Variants in TENM4 observed in about 807,000 individuals in gnomAD.
TENM4 encodes teneurin transmembrane protein 4, also known as teneurin-4.
TENM4 carries 82 observed loss-of-function variants against 243.3 expected under a neutral mutation model. The ratio of observed to expected loss-of-function variants is 0.34; its 90% CI spans 0.28 to 0.40. The LOEUF is 0.40. Ranked by LOEUF, TENM4 falls within the 10% of genes least tolerant of loss-of-function variation. The pLI is 1.00. For missense variants in TENM4, 3,138 were observed against 3,673.3 expected, an observed-to-expected ratio of 0.85 and a Z score of 3.77; for synonymous variants, 1,412 against 1,456.3, an observed-to-expected ratio of 0.97 and a Z score of 0.69.
intron 1 of TENM4, among the ~76,000 whole-genome samples, chr11:79,433,484 T>C (rs1019029851): frequency 1.3e-5 from 2 of 152,218 alleles, no homozygotes; most frequent in African/African-American, 4.8e-5. Context: ...ACCCTTTTGT[T>C]TGACTTTCAA....
At position 78,669,744 on chromosome 11, in the gene TENM4, G is replaced by A; in HGVS notation, c.6601C>T (p.Gln2201Ter). The change falls in exon 32 of 34, where the codon CAG (glutamine) becomes TAG (stop). Residue 2201 changes from glutamine to a stop codon, truncating the protein, a stop_gained. Transcript: ENST00000278550. LOFTEE classifies it high-confidence loss of function. The surrounding 1 kb of genome is among the most constrained non-coding windows in gnomAD (Gnocchi z 6.4). ...TCATTGATGGAGACTGTCTGCAGCT[G>A]GCCGTCAGCATCATACTCATAGGAG... ...RYSYEYDADG[Q>*]LQTVSINDKP... The A allele has an allele frequency of 6.2e-7, 1 of 1,613,990 alleles. No homozygotes were observed. The highest frequency in any genetic ancestry group is 8.5e-7 in the Non-Finnish European group (1 of 1,179,884).
At chr11:78,968,740 G>A (rs2136564418) in intron 6 of TENM4, among the ~76,000 whole-genome samples, 1 of 152,332 alleles carries the variant, frequency 6.6e-6, no homozygotes, top group Middle Eastern at 3.4e-3. Flanking sequence ...GAGGCTTAGA[G>A]AAGTGAAGTA....
chr11:78,685,897 A>G (rs1858654283), intron 29 of TENM4, among the ~76,000 whole-genome samples: 1 of 152,218 alleles, frequency 6.6e-6, no homozygotes, highest in South Asian at 2.1e-4. Flanking sequence ...TATTATGATT[A>G]TATATCCACA....
In TENM4 at chr11:79,052,898, G is replaced by T. The variant is rs574553446; in HGVS notation, c.493+11840C>A. Among the ~76,000 whole-genome samples, 3 of 152,342 alleles carry T rather than the reference G, an allele frequency of 2.0e-5. No individual in the cohort carries two copies. The South Asian group carries it at 6.2e-4, about 32-fold the overall frequency. On this transcript the variant is annotated intron_variant, in intron 6 of 33. Coordinates refer to ENST00000278550, the MANE Select transcript of TENM4 (RefSeq NM_001098816.3). ...TTCTCAGGAGGCATTCCTGCTTAGAGACCAGATATGTCTCCTTGCAGCTTG... is the reference window on the plus strand; with the variant it reads ...TTCTCAGGAGGCATTCCTGCTTAGATACCAGATATGTCTCCTTGCAGCTTG...
intron 12 of TENM4, among the ~76,000 whole-genome samples, chr11:78,841,197 A>T (rs1342992942): frequency 2.0e-5 from 3 of 152,192 alleles, no homozygotes; most frequent in Non-Finnish European, 4.4e-5. Context: ...CAGATAAGGA[A>T]ACTGAGGCAC....
chr11:79,292,412 G>A (rs183616911), intron 2 of TENM4, among the ~76,000 whole-genome samples: 119 of 152,288 alleles, frequency 7.8e-4, no homozygotes, highest in African/African-American at 2.6e-3. Context: ...CCCTACTTGT[G>A]TCTTACAAAT....
At chr11:78,987,364 C>G (rs1203394499) in intron 6 of TENM4, among the ~76,000 whole-genome samples, 6 of 152,190 alleles carry the variant, frequency 3.9e-5, no homozygotes, top group Non-Finnish European at 7.3e-5. Flanking sequence ...GATTCTTTTT[C>G]ACAGATTCAT....
At chr11:79,337,911 T>G (rs951997707) in intron 1 of TENM4, among the ~76,000 whole-genome samples, 14 of 152,344 alleles carry the variant, frequency 9.2e-5, no homozygotes, top group Admixed American at 7.8e-4. Context: ...CTAGACTTGC[T>G]GGCATCTCAC....
At chr11:79,128,255 C>T (rs547580661) in intron 4 of TENM4, among the ~76,000 whole-genome samples, 1 of 152,202 alleles carries the variant, frequency 6.6e-6, no homozygotes, top group African/African-American at 2.4e-5. Context: ...TGAGAGACAG[C>T]TCTTGGCCTG....
chr11:79,040,109 A>T (rs1178237527), intron 6 of TENM4, among the ~76,000 whole-genome samples: 1 of 151,734 alleles, frequency 6.6e-6, no homozygotes, highest in African/African-American at 2.4e-5. Context: ...TCGTGTCTCT[A>T]TTCCCTTTTT....
intron 2 of TENM4, among the ~76,000 whole-genome samples, chr11:79,273,164 T>C (rs1462718870): frequency 1.3e-5 from 2 of 152,166 alleles, no homozygotes; most frequent in Non-Finnish European, 2.9e-5. Flanking sequence ...ATCTGTAAAA[T>C]GGGGCTATCA....
chr11:78,705,403 T>C (rs1292732008), intron 27 of TENM4, among the ~76,000 whole-genome samples: 1 of 152,116 alleles, frequency 6.6e-6, no homozygotes, highest in East Asian at 1.9e-4. Context: ...GCTCTTGGAG[T>C]CAGTCCTCAC....
At chr11:78,768,711 A>C (rs890989613) in intron 18 of TENM4, among the ~76,000 whole-genome samples, 1 of 152,196 alleles carries the variant, frequency 6.6e-6, no homozygotes, top group Admixed American at 6.5e-5. Context: ...TTTCTGGTTG[A>C]TCTTTTCCAC....
chr11:79,174,745 C>T (rs968198033), intron 3 of TENM4, among the ~76,000 whole-genome samples: 32 of 152,190 alleles, frequency 2.1e-4, no homozygotes, highest in Admixed American at 2.1e-3. Context: ...CTCCTTTGGG[C>T]AGCCTTTTGC....
At chr11:79,124,799 A>G (rs919514528) in intron 4 of TENM4, among the ~76,000 whole-genome samples, 1 of 145,088 alleles carries the variant, frequency 6.9e-6, no homozygotes, top group Non-Finnish European at 1.5e-5. Context: ...ATATATATGT[A>G]TATGTATGTG....
intron 17 of TENM4, among the ~76,000 whole-genome samples, chr11:78,776,072 A>C (rs1856733628): frequency 6.6e-6 from 1 of 151,728 alleles, no homozygotes; most frequent in Non-Finnish European, 1.5e-5. Context: ...CTCCATATTC[A>C]CTTCCCTAGA....
At chr11:78,875,092 T>C (rs980355786) in intron 9 of TENM4, among the ~76,000 whole-genome samples, 5 of 152,238 alleles carry the variant, frequency 3.3e-5, no homozygotes, top group African/African-American at 4.8e-5. Flanking sequence ...TCCTGTTGGC[T>C]CCAGTCCTGA....
chr11:78,989,006 C>T (rs185340306), intron 6 of TENM4, among the ~76,000 whole-genome samples: 3 of 152,298 alleles, frequency 2.0e-5, no homozygotes, highest in Admixed American at 2.0e-4. Flanking sequence ...TATTTTTGTG[C>T]TCTGTCCACA....
At chr11:79,239,169 TTA>T (rs1277534799) in intron 2 of TENM4, among the ~76,000 whole-genome samples, 5 of 152,194 alleles carry the variant, frequency 3.3e-5, no homozygotes, top group Non-Finnish European at 5.9e-5. Flanking sequence ...GGGCCACATT[TTA>T]TGTTTCCTCT....
Sources: gnomAD v4.1 joint callset for allele counts (sites outside exome capture counted in the v4.1 genomes callset) on GRCh38, gnomAD v4.1.1 for gene constraint, Gnocchi (gnomAD v3.1) non-coding constraint, MANE v1.5 for transcripts, NCBI Gene and HGNC (gene_info 2026-07-23, HGNC 2026-07-21) for gene names.